USH2A: variants seen among roughly 807,000 people sequenced by gnomAD.
USH2A encodes Usher syndrome 2A (autosomal recessive, mild).
Under a neutral mutation model 538.9 loss-of-function variants are expected in USH2A, and 443 were observed. The observed-to-expected ratio is 0.82, with a 90% confidence interval of 0.76 to 0.89. The LOEUF is 0.89. Ranked by LOEUF, USH2A falls within the 40% of genes least tolerant of loss-of-function variation. USH2A has a pLI of 0.00. For missense variants in USH2A, 6,633 were observed against 6,324.8 expected, an observed-to-expected ratio of 1.05 and a Z score of -1.65; for synonymous variants, 2,413 against 2,273.5, an observed-to-expected ratio of 1.06 and a Z score of -1.75.
intron 46 of USH2A, among the ~76,000 whole-genome samples, chr1:215,841,032 C>T (rs1313351877): frequency 6.6e-6 from 1 of 152,010 alleles, no homozygotes; most frequent in Non-Finnish European, 1.5e-5. Context: ...CAAACCACTG[C>T]TTAAGAAAAT....
At chr1:216,410,571 G>C (rs949050926) in intron 3 of USH2A, among the ~76,000 whole-genome samples, 2 of 151,614 alleles carry the variant, frequency 1.3e-5, no homozygotes, top group African/African-American at 4.8e-5. Context: ...GACATAAAGG[G>C]ATATGGACAT....
intron 6 of USH2A, among the ~76,000 whole-genome samples, chr1:216,324,850 T>A (rs1558038463): frequency 6.6e-6 from 1 of 152,146 alleles, no homozygotes; most frequent in African/African-American, 2.4e-5. Flanking sequence ...TTGTAGTGGG[T>A]TGAATTGTGT....
chr1:215,888,574 G>A lies in USH2A; in HGVS notation c.8075C>T (p.Pro2692Leu), dbSNP rs752843339. 2 of 1,614,148 alleles carry A rather than the reference G, an allele frequency of 1.2e-6. No homozygotes were observed. The highest frequency in any genetic ancestry group is 1.7e-6 in the Non-Finnish European group (2 of 1,180,022). ...TACCCGATATTCATATTTTGTCCAT[G>A]GGCTAAGAGCAGAAGTCTTGTCAAT... ...RFIDKTSALS[P>L]WTKYEYRVLM... Residue 2692 changes from proline to leucine, a missense_variant, in exon 41 of 72, where the codon CCA (proline) becomes CTA (leucine). By Grantham distance (98) the Pro-to-Leu change is moderately conservative. Coordinates refer to ENST00000307340, the MANE Select transcript of USH2A (RefSeq NM_206933.4).
chr1:216,025,758 G>A (rs1388150681), intron 32 of USH2A, among the ~76,000 whole-genome samples: 1 of 152,046 alleles, frequency 6.6e-6, no homozygotes, highest in Non-Finnish European at 1.5e-5. Flanking sequence ...TGATTCAGCT[G>A]AGGGGAAATC....
chr1:216,416,490 A>C (rs1393347697), intron 3 of USH2A, among the ~76,000 whole-genome samples: 1 of 152,154 alleles, frequency 6.6e-6, no homozygotes, highest in East Asian at 1.9e-4. Flanking sequence ...CGAAAAGGAC[A>C]AGTTTTCTCT....
At chr1:215,789,975 C>T in intron 51 of USH2A, 84 bp downstream of exon 51, 1 of 1,333,186 alleles carries the variant, frequency 7.5e-7, no homozygotes, top group Non-Finnish European at 1.0e-6. Flanking sequence ...TTTTTATATT[C>T]CTATTTTAGA....
chr1:215,650,444 G>T (rs1657018998), intron 65 of USH2A, 148 bp downstream of exon 65: 2 of 917,798 alleles, frequency 2.2e-6, no homozygotes, highest in Middle Eastern at 3.1e-4. Flanking sequence ...TTCTCTGAGG[G>T]ATATTTGTGC....
At chr1:216,379,110 C>T (rs567634491) in intron 3 of USH2A, among the ~76,000 whole-genome samples, 1 of 152,294 alleles carries the variant, frequency 6.6e-6, no homozygotes, top group South Asian at 2.1e-4. Context: ...CTCGCTGATG[C>T]CTGGTGATGG....
At chr1:215,878,517 G>A (rs1281168358) in intron 42 of USH2A, among the ~76,000 whole-genome samples, 1 of 152,172 alleles carries the variant, frequency 6.6e-6, no homozygotes. Context: ...GATGGATTAT[G>A]TAGCGAATCC....
intron 38 of USH2A, among the ~76,000 whole-genome samples, chr1:215,926,024 A>G (rs952635977): frequency 2.6e-5 from 4 of 152,210 alleles, no homozygotes; most frequent in African/African-American, 9.6e-5. Flanking sequence ...TCTCAAAAAA[A>G]CAAGAACAAA....
chr1:215,672,587 G>A (rs190046530), intron 63 of USH2A, among the ~76,000 whole-genome samples: 88 of 152,236 alleles, frequency 5.8e-4, no homozygotes, highest in Middle Eastern at 3.4e-3. Context: ...TGGGTTATCC[G>A]TGGTAGTTTT....
At chr1:216,082,054 G>C (rs1028280743) in intron 26 of USH2A, among the ~76,000 whole-genome samples, 5 of 152,092 alleles carry the variant, frequency 3.3e-5, no homozygotes, top group African/African-American at 1.2e-4. Flanking sequence ...CTCAAGAGGA[G>C]GAGCCAAATG....
At chr1:216,410,025 AC>A (rs1163906760) in intron 3 of USH2A, among the ~76,000 whole-genome samples, 2 of 152,172 alleles carry the variant, frequency 1.3e-5, no homozygotes, top group Admixed American at 6.6e-5. Flanking sequence ...CAAGAAAAAA[AC>A]AACCCTATTA....
intron 47 of USH2A, among the ~76,000 whole-genome samples, chr1:215,832,827 G>T (rs1280815297): frequency 6.6e-6 from 1 of 151,798 alleles, no homozygotes; most frequent in Non-Finnish European, 1.5e-5. Flanking sequence ...ATAGACTAGG[G>T]AATTACAAAA....
chr1:216,077,026 CT>C (rs1223038018), intron 27 of USH2A, among the ~76,000 whole-genome samples: 1 of 152,070 alleles, frequency 6.6e-6, no homozygotes, highest in East Asian at 1.9e-4. Flanking sequence ...TAGTGTCTTG[CT>C]ATCTGCTTAC....
chr1:216,023,300 G>T (rs1668881766), intron 32 of USH2A, among the ~76,000 whole-genome samples: 1 of 151,598 alleles, frequency 6.6e-6, no homozygotes, highest in African/African-American at 2.4e-5. Context: ...TTCTTAGATG[G>T]ACAATGTCTT....
intron 55 of USH2A, among the ~76,000 whole-genome samples, chr1:215,771,842 A>T (rs1661301017): frequency 6.6e-6 from 1 of 152,102 alleles, no homozygotes; most frequent in Non-Finnish European, 1.5e-5. Flanking sequence ...ATGATAGTAG[A>T]GACTGCTTAA....
Position 216,196,717 on chromosome 1 carries a change from C to A in USH2A, c.4087G>T (p.Val1363Leu). ...VSERTGESAP[V>L]FMIPPSVFPL... Reference sequence around the variant, plus strand: ...AAGACTGAAGGAGGGATCATGAATACAGGTGCTATCAATGAGAACAATAAC... The same window carrying A: ...AAGACTGAAGGAGGGATCATGAATAAAGGTGCTATCAATGAGAACAATAAC... Residue 1363 changes from valine (V) to leucine (L), a missense_variant, in exon 19 of 72, where the codon GTA becomes TTA. By Grantham distance (32) the Val-to-Leu change is conservative (BLOSUM62 1). Transcript: ENST00000307340. 1 of 1,612,774 alleles carries A rather than the reference C, an allele frequency of 6.2e-7. No individual in the cohort carries two copies. Among genetic ancestry groups the A allele is most frequent in the Non-Finnish European group, 8.5e-7 (1 of 1,179,300 alleles).
intron 41 of USH2A, among the ~76,000 whole-genome samples, chr1:215,881,175 C>G (rs1664896108): frequency 6.6e-6 from 1 of 152,200 alleles, no homozygotes; most frequent in African/African-American, 2.4e-5. Flanking sequence ...GCGTCTCACT[C>G]TGTCACCCAG....
Sources: allele counts gnomAD v4.1 joint callset (sites outside exome capture counted in the v4.1 genomes callset), GRCh38; gene constraint gnomAD v4.1.1; transcripts MANE v1.5; gene names NCBI Gene and HGNC (gene_info 2026-07-23, HGNC 2026-07-21).